Variants in RIMBP2 observed in about 807,000 individuals in gnomAD.
RIMBP2 encodes the protein RIMS-binding protein 2.
Under a neutral mutation model 118.6 loss-of-function variants are expected in RIMBP2, and 48 were observed. That is an observed-to-expected ratio of 0.40 (90% CI 0.32 to 0.51). The LOEUF is 0.51. RIMBP2 is among the 20% of genes least tolerant of loss of function. RIMBP2 has a pLI of 0.41. For synonymous variants in RIMBP2, 762 were observed against 742.9 expected (o/e 1.03, Z -0.42); for missense variants, 1,551 against 1,768.3 (o/e 0.88, Z 2.20).
chr12:130,572,757 T>G (rs972457919), intron 2 of RIMBP2, among the ~76,000 whole-genome samples: 3 of 148,886 alleles, frequency 2.0e-5, no homozygotes, highest in Non-Finnish European at 3.0e-5. Context: ...GGCACTGCTC[T>G]GGGGAACGCT....
intron 3 of RIMBP2, among the ~76,000 whole-genome samples, chr12:130,514,885 C>CTT (rs36058610): frequency 1.3e-5 from 2 of 150,920 alleles, no homozygotes; most frequent in African/African-American, 2.4e-5. Flanking sequence ...TATTAAGACA[C>CTT]TTTTTTTTTG....
chr12:130,616,629 T>G (rs1170212222), intron 2 of RIMBP2, among the ~76,000 whole-genome samples: 1 of 152,268 alleles, frequency 6.6e-6, no homozygotes, highest in Non-Finnish European at 1.5e-5. Flanking sequence ...TAGGAGACAA[T>G]GAATGAGATA....
At chr12:130,479,873 G>A (rs1020306332) in intron 4 of RIMBP2, among the ~76,000 whole-genome samples, 6 of 151,566 alleles carry the variant, frequency 4.0e-5, no homozygotes, top group South Asian at 2.1e-4. Flanking sequence ...CAGTGCTCAG[G>A]GTTTAACTCT....
At chr12:130,488,777 A>G (rs894735629) in intron 4 of RIMBP2, among the ~76,000 whole-genome samples, 1 of 152,154 alleles carries the variant, frequency 6.6e-6, no homozygotes, top group Non-Finnish European at 1.5e-5. Context: ...AAGAGCAGAA[A>G]CTGGGGACTC....
At chr12:130,481,701 G>C (rs560557859) in intron 4 of RIMBP2, among the ~76,000 whole-genome samples, 2 of 152,364 alleles carry the variant, frequency 1.3e-5, no homozygotes, top group South Asian at 2.1e-4. Context: ...TCTGGGGCCA[G>C]ATGGGCCCCA....
At chr12:130,443,904 A>G (rs1298225266) in intron 10 of RIMBP2, among the ~76,000 whole-genome samples, 2 of 152,058 alleles carry the variant, frequency 1.3e-5, no homozygotes, top group African/African-American at 4.8e-5. Flanking sequence ...CTATTATCTC[A>G]TTTCTCCTCA....
At chr12:130,490,806 C>A (rs567718147) in intron 4 of RIMBP2, among the ~76,000 whole-genome samples, 101 of 152,300 alleles carry the variant, frequency 6.6e-4, no homozygotes, top group African/African-American at 2.3e-3. Flanking sequence ...CCTCGGCTTA[C>A]CGGCCAGTCC....
intron 2 of RIMBP2, among the ~76,000 whole-genome samples, chr12:130,572,115 C>T (rs146881613): frequency 1.8e-4 from 28 of 152,324 alleles, no homozygotes; most frequent in African/African-American, 6.5e-4. Context: ...CTGCTCCACC[C>T]CCAGTGCGTG....
chr12:130,667,889 C>T (rs2064021688), intron 1 of RIMBP2: 1 of 152,366 alleles, frequency 6.6e-6, no homozygotes, highest in Non-Finnish European at 1.5e-5. Context: ...GGAAACTTCA[C>T]ATTTGGGACC....
intron 2 of RIMBP2, among the ~76,000 whole-genome samples, chr12:130,610,159 T>TCCTCCCGGTC (rs1423136924): frequency 6.6e-6 from 1 of 150,460 alleles, no homozygotes; most frequent in Non-Finnish European, 1.5e-5. Context: ...GGAAGCCTGC[T>TCCTCCCGGTC]CCTCCCGGTC....
intron 2 of RIMBP2, among the ~76,000 whole-genome samples, chr12:130,593,470 G>A (rs1038550954): frequency 2.0e-5 from 3 of 152,200 alleles, no homozygotes; most frequent in African/African-American, 4.8e-5. Context: ...TTGCAACTTC[G>A]ACAGGAAGAA....
intron 1 of RIMBP2, among the ~76,000 whole-genome samples, chr12:130,693,388 G>A (rs1011232488): frequency 6.7e-6 from 1 of 150,020 alleles, no homozygotes; most frequent in African/African-American, 2.5e-5. Context: ...TCCTAACGAT[G>A]CCTGTGATGG....
chr12:130,522,213 G>A (rs1419251207), intron 2 of RIMBP2, among the ~76,000 whole-genome samples: 1 of 152,244 alleles, frequency 6.6e-6, no homozygotes, highest in African/African-American at 2.4e-5. Flanking sequence ...TCTAGCTGCT[G>A]TGTTGCAAAA....
In RIMBP2 at chr12:130,523,302, G is replaced by A. The variant is rs752631949; in HGVS notation, c.-216-5385C>T. On this transcript the variant is annotated intron_variant, in intron 2 of 22. Coordinates refer to ENST00000690449, the MANE Select transcript of RIMBP2 (RefSeq NM_001393629.1). This position sits in a 1 kb window ranked among gnomAD's most constrained non-coding sequence, Gnocchi z 4.4. ...AACAGCCATCTGCAAGTCAAGAAGCGGCTCGCACCAGGAACCGAATCAGCC... is the reference window on the plus strand; with the variant it reads ...AACAGCCATCTGCAAGTCAAGAAGCAGCTCGCACCAGGAACCGAATCAGCC... 5.3e-5 allele frequency among the ~76,000 whole-genome samples: 8 copies of A among 152,194 alleles called. No individual in the cohort carries two copies. The highest frequency in any genetic ancestry group is 3.2e-3 in the Middle Eastern group (1 of 316).
chr12:130,646,077 C>A (rs1207780329), intron 1 of RIMBP2, among the ~76,000 whole-genome samples: 1 of 131,484 alleles, frequency 7.6e-6, no homozygotes, highest in South Asian at 2.5e-4. Context: ...CTCTCCACCT[C>A]CCTCACCACT....
intron 11 of RIMBP2, among the ~76,000 whole-genome samples, chr12:130,441,024 C>T (rs1204249871): frequency 6.6e-6 from 1 of 152,174 alleles, no homozygotes; most frequent in East Asian, 1.9e-4. Flanking sequence ...ATCACACTCC[C>T]TGTTTGAGCG....
intron 1 of RIMBP2, among the ~76,000 whole-genome samples, chr12:130,650,457 G>C (rs1484865185): frequency 6.6e-6 from 1 of 152,220 alleles, no homozygotes; most frequent in Non-Finnish European, 1.5e-5. Flanking sequence ...CACAACACTT[G>C]TTTTCTTTAT....
At chr12:130,468,767 A>G (rs990288616) in intron 6 of RIMBP2, among the ~76,000 whole-genome samples, 1 of 152,178 alleles carries the variant, frequency 6.6e-6, no homozygotes, top group African/African-American at 2.4e-5. Flanking sequence ...GGCTCTCTCA[A>G]CAACTCTGGC....
intron 15 of RIMBP2, chr12:130,426,383 G>C (rs1249421352): frequency 6.6e-6 from 1 of 151,998 alleles, no homozygotes; most frequent in African/African-American, 2.4e-5. Context: ...AGGTTCAAGT[G>C]ATTCTCCTGC....
Sources: allele counts gnomAD v4.1 joint callset (sites outside exome capture counted in the v4.1 genomes callset), GRCh38; gene constraint gnomAD v4.1.1; non-coding constraint Gnocchi (gnomAD v3.1); transcripts MANE v1.5; gene names NCBI Gene and HGNC (gene_info 2026-07-23, HGNC 2026-07-21).